Variants in EPB41L4A observed in about 807,000 individuals in gnomAD.
EPB41L4A encodes the protein band 4.1-like protein 4A.
Under a neutral mutation model 108.6 loss-of-function variants are expected in EPB41L4A, and 100 were observed. That is an observed-to-expected ratio of 0.92 (90% CI 0.78 to 1.09). The LOEUF is 1.09. Among genes scored for constraint, EPB41L4A ranks in the 50% least tolerant of loss-of-function variants. The probability of loss-of-function intolerance (pLI) is 0.00; values close to 1 mark genes in which losing one functional copy is unlikely to be tolerated. For missense variants in EPB41L4A, 1,030 were observed against 842.7 expected (o/e 1.22, Z -2.75); for synonymous variants, 319 against 289.0 (o/e 1.10, Z -1.05).
At chr5:112,232,333 C>T (rs1005734732) in intron 12 of EPB41L4A, among the ~76,000 whole-genome samples, 10 of 152,156 alleles carry the variant, frequency 6.6e-5, no homozygotes, top group African/African-American at 2.4e-5. Context: ...AAGTCAGTAA[C>T]CAATGCCCAG....
downstream of EPB41L4A, among the ~76,000 whole-genome samples, chr5:112,141,882 C>T (rs1001351616): frequency 2.0e-5 from 3 of 152,184 alleles, no homozygotes; most frequent in South Asian, 2.1e-4. Context: ...ATTTCAGTCA[C>T]TGAATTTCAT....
intron 1 of EPB41L4A, among the ~76,000 whole-genome samples, chr5:112,312,870 G>A (rs1424904918): frequency 1.3e-5 from 2 of 152,078 alleles, no homozygotes; most frequent in African/African-American, 4.8e-5. Context: ...AAGTCTTCAG[G>A]TCCAGAAGAA....
At chr5:112,391,816 G>A (rs538345176) in intron 1 of EPB41L4A, among the ~76,000 whole-genome samples, 1 of 152,236 alleles carries the variant, frequency 6.6e-6, no homozygotes, top group East Asian at 1.9e-4. Context: ...AAAATGTTAA[G>A]GGCAGTCAGA....
At chr5:112,299,191 G>C (rs1754195320) in intron 2 of EPB41L4A, among the ~76,000 whole-genome samples, 2 of 152,070 alleles carry the variant, frequency 1.3e-5, no homozygotes, top group African/African-American at 4.8e-5. Flanking sequence ...TGTTGGGTTT[G>C]GTTTGGTTTG....
At chr5:112,280,408 AAAC>A in intron 2 of EPB41L4A, 85 bp from the exon 3 acceptor site, 3 of 1,269,770 alleles carry the variant, frequency 2.4e-6, no homozygotes, top group South Asian at 2.4e-5. Context: ...AATGTTATTT[AAAC>A]AACATTTTAA....
intron 5 of EPB41L4A, among the ~76,000 whole-genome samples, chr5:112,265,221 T>G (rs1751766429): frequency 6.6e-6 from 1 of 152,238 alleles, no homozygotes; most frequent in African/African-American, 2.4e-5. Flanking sequence ...AAACAGAAGT[T>G]CTTTATTTTT....
At chr5:112,180,060 C>G (rs966755742) in intron 18 of EPB41L4A, among the ~76,000 whole-genome samples, 17 of 152,036 alleles carry the variant, frequency 1.1e-4, no homozygotes, top group Non-Finnish European at 1.2e-4. Flanking sequence ...TGAAATATAA[C>G]AAAATAAATT....
chr5:112,241,379 T>C (rs914930966), intron 9 of EPB41L4A, among the ~76,000 whole-genome samples: 11 of 152,186 alleles, frequency 7.2e-5, no homozygotes, highest in Non-Finnish European at 1.6e-4. Context: ...TATGCATACA[T>C]AAAATATCAT....
At chr5:112,396,366 A>G (rs1761352284) in intron 1 of EPB41L4A, among the ~76,000 whole-genome samples, 1 of 152,204 alleles carries the variant, frequency 6.6e-6, no homozygotes. Flanking sequence ...ACTATGTCAT[A>G]TTGAGTTTTT....
intron 1 of EPB41L4A, among the ~76,000 whole-genome samples, chr5:112,361,280 C>G (rs13162851): frequency 9.0e-6 from 1 of 110,816 alleles, no homozygotes; most frequent in South Asian, 2.9e-4. Flanking sequence ...GGATTAAGGG[C>G]GGTGCAAGAT....
At chr5:112,291,207 T>C (rs1304974744) in intron 2 of EPB41L4A, among the ~76,000 whole-genome samples, 2 of 152,198 alleles carry the variant, frequency 1.3e-5, no homozygotes, top group Non-Finnish European at 2.9e-5. Flanking sequence ...CTGGGCCCTA[T>C]GTTATGGGGG....
chr5:112,379,996 G>A (rs10515447), intron 1 of EPB41L4A, among the ~76,000 whole-genome samples: 10,917 of 152,158 alleles, frequency 0.072, 1,352 homozygotes, highest in African/African-American at 0.25. Context: ...ATCTGAGGTA[G>A]GAACTCAAAA....
Position 112,170,401 on chromosome 5 carries a change from G to A in EPB41L4A, c.1671-32C>T, listed in dbSNP as rs749865983. 9.4e-6 allele frequency: 13 copies of A among 1,380,798 alleles called. No individual in the cohort carries two copies. The African/African-American group carries it at 1.9e-4, about 20-fold the overall frequency. 85.5% of individuals were successfully genotyped at this position (1,380,798 alleles called of 1,614,324 possible). ...AGGAATATGCAAGAAAATGATAGTT[G>A]TGGTGCTGGTATAAATGCTAGTATC... On this transcript the variant is annotated intron_variant, in intron 19 of 22. Transcript: ENST00000261486.
chr5:112,391,511 C>T (rs1352424834), intron 1 of EPB41L4A, among the ~76,000 whole-genome samples: 1 of 151,808 alleles, frequency 6.6e-6, no homozygotes, highest in African/African-American at 2.4e-5. Flanking sequence ...TGAAATGAAA[C>T]AAGAACAGAA....
intron 12 of EPB41L4A, among the ~76,000 whole-genome samples, chr5:112,232,712 C>G (rs1162618595): frequency 6.6e-6 from 1 of 152,144 alleles, no homozygotes; most frequent in Non-Finnish European, 1.5e-5. Context: ...AATATTGTTA[C>G]TAAAAATTTC....
rs115506451 is a variant in EPB41L4A at position 112,295,291 on chromosome 5, T to G, written c.204+12095A>C. 3.9e-3 allele frequency among the ~76,000 whole-genome samples: 597 copies of G among 152,302 alleles called. 4 individuals are homozygous for G. The highest frequency in any genetic ancestry group is 0.014 in the African/African-American group (561 of 41,548). On this transcript the variant is annotated intron_variant, in intron 2 of 22. Transcript: ENST00000261486. Reference sequence around the variant, plus strand: ...CACCCAAGATTCTAGCTTGAGCAATTGGGTAGATGGTGTTGCCATTCACTA... The same window carrying G: ...CACCCAAGATTCTAGCTTGAGCAATGGGGTAGATGGTGTTGCCATTCACTA...
At chr5:112,195,856 A>C (rs950917150) in intron 15 of EPB41L4A, 148 bp from the exon 16 acceptor site, 19 of 668,950 alleles carry the variant, frequency 2.8e-5, no homozygotes, top group Non-Finnish European at 4.4e-5. Context: ...TATATGCCTA[A>C]CCCTACATAC....
At chr5:112,182,714 T>A (rs1466991165) in intron 18 of EPB41L4A, among the ~76,000 whole-genome samples, 1 of 152,172 alleles carries the variant, frequency 6.6e-6, no homozygotes. Context: ...GTGACTACGC[T>A]GTATCTAATC....
intron 12 of EPB41L4A, among the ~76,000 whole-genome samples, chr5:112,215,221 C>T (rs906812476): frequency 2.0e-5 from 3 of 152,166 alleles, no homozygotes; most frequent in South Asian, 2.1e-4. Flanking sequence ...AAAGGACATG[C>T]GGCAATATAC....
Sources: allele counts gnomAD v4.1 joint callset (sites outside exome capture counted in the v4.1 genomes callset), GRCh38; gene constraint gnomAD v4.1.1; transcripts MANE v1.5; gene names NCBI Gene and HGNC (gene_info 2026-07-23, HGNC 2026-07-21).